CFDP1: variants seen among roughly 807,000 people sequenced by gnomAD.
CFDP1 encodes chromatin remodeling protein CFDP1.
In CFDP1, 31 loss-of-function variants were observed where a neutral mutation model predicts 40.1. That is an observed-to-expected ratio of 0.77 (90% CI 0.58 to 1.04). The LOEUF is 1.04. CFDP1 is among the 50% of genes least tolerant of loss of function. The pLI, the probability that CFDP1 is intolerant of heterozygous loss-of-function variation, is 0.00. For missense variants in CFDP1, 423 were observed against 343.4 expected (o/e 1.23, Z -1.83); for synonymous variants, 167 against 120.0 (o/e 1.39, Z -2.56).
intron 1 of CFDP1, among the ~76,000 whole-genome samples, chr16:75,430,528 G>C (rs1049679538): frequency 6.6e-6 from 1 of 151,676 alleles, no homozygotes; most frequent in African/African-American, 2.4e-5. Flanking sequence ...GCAGAAGCAT[G>C]ATCTTCACTC....
At chr16:75,392,601 G>A (rs1281394700) in intron 5 of CFDP1, among the ~76,000 whole-genome samples, 2 of 152,162 alleles carry the variant, frequency 1.3e-5, no homozygotes, top group African/African-American at 4.8e-5. Flanking sequence ...GGGTTCAAGC[G>A]ATTCTGCTGC....
At chr16:75,374,084 C>T (rs1457745164) in intron 5 of CFDP1, among the ~76,000 whole-genome samples, 1 of 151,960 alleles carries the variant, frequency 6.6e-6, no homozygotes, top group African/African-American at 2.4e-5. Context: ...GAAATCCCAT[C>T]TCTACTAAAA....
chr16:75,377,381 T>A (rs2078809066), intron 5 of CFDP1, among the ~76,000 whole-genome samples: 1 of 152,228 alleles, frequency 6.6e-6, no homozygotes, highest in African/African-American at 2.4e-5. Context: ...TCTACCACTA[T>A]ATTGGTGTGA....
rs563269975 is a variant in CFDP1, at chr16:75,401,008, G to C, written c.531-5799C>G. ...AACACTGGATGCAGCTAATTTAAAA[G>C]CATCCAGCTTGACACAGTGGCTCAC... On this transcript the variant is annotated intron_variant, in intron 4 of 6. Coordinates refer to ENST00000283882, the MANE Select transcript of CFDP1 (RefSeq NM_006324.3). 2.6e-3 allele frequency among the ~76,000 whole-genome samples: 399 copies of C among 152,290 alleles called. 1 individual carries two copies. Among genetic ancestry groups the C allele is most frequent in the African/African-American group, 9.3e-3 (386 of 41,560 alleles).
intron 5 of CFDP1, among the ~76,000 whole-genome samples, chr16:75,373,929 TA>T (rs1356993286): frequency 3.3e-5 from 5 of 152,150 alleles, no homozygotes; most frequent in Non-Finnish European, 7.4e-5. Flanking sequence ...ATAAAAAACC[TA>T]AATGTCTGTA....
Position 75,324,977 on chromosome 16 carries a change from T to C in CFDP1, c.651-19795A>G, listed in dbSNP as rs376022500. 1.2e-4 allele frequency: 19 copies of C among 152,350 alleles called. 3 individuals are homozygous for C. The highest frequency in any genetic ancestry group is 5.9e-4 in the Admixed American group (9 of 15,296). The allele number at this position is 152,350 out of a possible 1,614,324, so 9.4% of individuals were successfully genotyped here. On this transcript the variant is annotated intron_variant, in intron 5 of 6. Coordinates refer to ENST00000283882, the MANE Select transcript of CFDP1 (RefSeq NM_006324.3). ...TGTAGAATGGCCTGCTCTTTGGAAT[T>C]GTCTGATTGTTAATTTGAGCTTCTT...
rs116049724 is a variant in CFDP1, at chr16:75,428,285, T to G, written c.64+5004A>C. On this transcript the variant is annotated intron_variant, in intron 1 of 6. Coordinates refer to ENST00000283882, the MANE Select transcript of CFDP1 (RefSeq NM_006324.3). ...TTAAAAATTGTATGTTAAATGCTGA[T>G]ACTGCATTTACAAAAGAAGAACATA... Among the ~76,000 whole-genome samples, 1,380 of 152,278 alleles carry G rather than the reference T, an allele frequency of 9.1e-3. 20 individuals carry two copies. Among genetic ancestry groups the G allele is most frequent in the African/African-American group, 0.032 (1,325 of 41,544 alleles).
chr16:75,377,694 G>A (rs1217140785), intron 5 of CFDP1, among the ~76,000 whole-genome samples: 1 of 152,178 alleles, frequency 6.6e-6, no homozygotes, highest in Non-Finnish European at 1.5e-5. Context: ...GAAGGTCAGG[G>A]AAACCACTCA....
chr16:75,389,620 T>TA (rs1258300610), intron 5 of CFDP1, among the ~76,000 whole-genome samples: 22 of 152,180 alleles, frequency 1.4e-4, no homozygotes, highest in Non-Finnish European at 3.1e-4. Context: ...AATAAACAAA[T>TA]AAAGTGTTTC....
At chr16:75,326,381 A>T (rs146714318) in intron 5 of CFDP1, among the ~76,000 whole-genome samples, 8 of 152,344 alleles carry the variant, frequency 5.3e-5, no homozygotes, top group African/African-American at 1.7e-4. Context: ...TATCTCACTC[A>T]ATACTCAGTC....
At chr16:75,419,335 T>C (rs1232864327) in intron 1 of CFDP1, 1 of 153,574 alleles carries the variant, frequency 6.5e-6, no homozygotes, top group Non-Finnish European at 1.5e-5. Flanking sequence ...ATTTTGAAAA[T>C]TGAGGGAAAA....
intron 5 of CFDP1, among the ~76,000 whole-genome samples, chr16:75,364,120 AAAAAC>A (rs991293841): frequency 2.6e-5 from 4 of 152,232 alleles, no homozygotes; most frequent in South Asian, 2.1e-4. Context: ...GTGAAATTAA[AAAAAC>A]AAAACAAAAC....
intron 5 of CFDP1, among the ~76,000 whole-genome samples, chr16:75,381,964 C>G (rs985943911): frequency 6.6e-6 from 1 of 151,858 alleles, no homozygotes; most frequent in African/African-American, 2.4e-5. Flanking sequence ...AGCTCAGAGA[C>G]AATTAGCCAG....
At chr16:75,424,704 A>C (rs544234415) in intron 1 of CFDP1, among the ~76,000 whole-genome samples, 2 of 151,146 alleles carry the variant, frequency 1.3e-5, no homozygotes, top group Non-Finnish European at 2.9e-5. Context: ...CAGTGACCCA[A>C]GATCGTGCCA....
chr16:75,400,296 A>C (rs1478751723), intron 4 of CFDP1, among the ~76,000 whole-genome samples: 3 of 151,858 alleles, frequency 2.0e-5, no homozygotes, highest in Admixed American at 2.0e-4. Context: ...AAAACAAAAC[A>C]AAACAAAAAA....
At chr16:75,397,616 C>T (rs2079007813) in intron 4 of CFDP1, among the ~76,000 whole-genome samples, 1 of 152,014 alleles carries the variant, frequency 6.6e-6, no homozygotes, top group Non-Finnish European at 1.5e-5. Context: ...GCCAGGCCAA[C>T]ATGGTGAAAC....
At position 75,309,712 on chromosome 16, in the gene CFDP1, T is replaced by C. The variant is rs541771669; in HGVS notation, c.651-4530A>G. 2.0e-4 allele frequency among the ~76,000 whole-genome samples: 28 copies of C among 142,324 alleles called. No homozygotes were observed. In the South Asian group the frequency reaches 5.0e-3, roughly 26 times the overall value. 93.4% of individuals were successfully genotyped at this position (142,324 alleles called of 152,430 possible). On this transcript the variant is annotated intron_variant, in intron 5 of 6. Transcript: ENST00000283882. ...GCAGGCGCCTGTAGTCCCAGTTACT[T>C]GGGAGGCTGAGGCAGGAGAATGGCG...
intron 1 of CFDP1, among the ~76,000 whole-genome samples, chr16:75,431,154 G>C (rs937071240): frequency 6.8e-5 from 10 of 147,486 alleles, no homozygotes; most frequent in African/African-American, 9.9e-5. Context: ...ACTGTCATTA[G>C]AAAAAAAAAA....
chr16:75,330,432 C>CA (rs1320235211), intron 5 of CFDP1, among the ~76,000 whole-genome samples: 1 of 152,028 alleles, frequency 6.6e-6, no homozygotes, highest in Non-Finnish European at 1.5e-5. Flanking sequence ...ACTAAAAATA[C>CA]AAAAAAATTA....
Sources: gnomAD v4.1 joint callset for allele counts (sites outside exome capture counted in the v4.1 genomes callset) on GRCh38, gnomAD v4.1.1 for gene constraint, MANE v1.5 for transcripts, NCBI Gene and HGNC (gene_info 2026-07-23, HGNC 2026-07-21) for gene names.